Variants in SNAP91 observed in about 807,000 individuals in gnomAD.
SNAP91 encodes the protein clathrin coat assembly protein AP180.
SNAP91 carries 27 observed loss-of-function variants against 100.3 expected under a neutral mutation model. That is an observed-to-expected ratio of 0.27 (90% CI 0.20 to 0.37). The LOEUF (loss-of-function observed/expected upper bound fraction) is 0.37, where lower values mean the gene tolerates loss of function less well. SNAP91 is among the 10% of genes least tolerant of loss of function. The pLI is 1.00. For synonymous variants in SNAP91, 404 were observed against 398.6 expected, an observed-to-expected ratio of 1.01 and a Z score of -0.16; for missense variants, 986 against 1,123.7, an observed-to-expected ratio of 0.88 and a Z score of 1.75.
At chr6:83,635,588 G>A (rs2097405336) in intron 8 of SNAP91, among the ~76,000 whole-genome samples, 1 of 152,024 alleles carries the variant, frequency 6.6e-6, no homozygotes, top group South Asian at 2.1e-4. Flanking sequence ...CATTACATGA[G>A]ATGGATGTAC....
chr6:83,623,166 T>C, intron 9 of SNAP91, 135 bp downstream of exon 9: 1 of 614,762 alleles, frequency 1.6e-6, no homozygotes, highest in Non-Finnish European at 2.9e-6. Flanking sequence ...ATAAATAAGG[T>C]AGAATAATTT....
intron 13 of SNAP91, among the ~76,000 whole-genome samples, chr6:83,606,839 T>A (rs527770032): frequency 6.6e-6 from 1 of 152,362 alleles, no homozygotes; most frequent in Non-Finnish European, 1.5e-5. Context: ...AGGAAAGGAA[T>A]ACATATTTAT....
In SNAP91 at chr6:83,577,969, T is replaced by C. The variant is rs140942362; in HGVS notation, c.2300-1916A>G. Reference sequence around the variant, plus strand: ...CATTTCATATAAATGGAATCATATATGAAAACACATAGTCTTTTGCGACCG... The same window carrying C: ...CATTTCATATAAATGGAATCATATACGAAAACACATAGTCTTTTGCGACCG... On this transcript the variant is annotated intron_variant, in intron 24 of 29. Transcript: ENST00000369694. Among the ~76,000 whole-genome samples, 581 of 152,320 alleles carry C rather than the reference T, an allele frequency of 3.8e-3. 2 individuals carry two copies. Among genetic ancestry groups the C allele is most frequent in the African/African-American group, 0.013 (536 of 41,576 alleles).
intron 10 of SNAP91, among the ~76,000 whole-genome samples, chr6:83,615,520 G>A (rs1463277837): frequency 6.6e-6 from 1 of 152,102 alleles, no homozygotes; most frequent in African/African-American, 2.4e-5. Context: ...AACTGAACTA[G>A]GGCATCTCTT....
rs954841245 is a variant in SNAP91, at chr6:83,641,091, C to T, written c.765+5G>A. 6.9e-7 allele frequency: 1 copy of T among 1,457,072 alleles called. No individual in the cohort carries two copies. Among genetic ancestry groups the T allele is most frequent in the Non-Finnish European group, 9.2e-7 (1 of 1,088,478 alleles). 90.3% of individuals were successfully genotyped at this position (1,457,072 alleles called of 1,614,324 possible). The stretch of plus-strand genomic sequence containing the variant: ...ATATTCCCAAGAAAACTTAATATTA[C>T]TTACCTCTGCAACCTTGAGAAATTC... On this transcript the variant is annotated splice_donor_5th_base_variant and intron_variant, in intron 8 of 29. Transcript: ENST00000369694.
At position 83,645,730 on chromosome 6, in the gene SNAP91, A is replaced by T. The variant is rs543633806; in HGVS notation, c.659-4528T>A. Among the ~76,000 whole-genome samples the T allele has an allele frequency of 1.1e-4, 17 of 152,222 alleles. No individual in the cohort carries two copies. The South Asian group carries it at 3.5e-3, about 32-fold the overall frequency. ...GCCAGGAGTGGTGGTGCGTGTCTGT[A>T]ATCCCAGCTACTCGGGAGGCTGAGG... is the stretch of plus-strand genomic sequence containing the variant. On this transcript the variant is annotated intron_variant, in intron 7 of 29. Transcript: ENST00000369694.
At chr6:83,600,950 C>T (rs2095131334) in intron 16 of SNAP91, among the ~76,000 whole-genome samples, 1 of 152,122 alleles carries the variant, frequency 6.6e-6, no homozygotes, top group Non-Finnish European at 1.5e-5. Flanking sequence ...TGACAGAGAG[C>T]TCTGGTACCA....
At chr6:83,602,409 A>G (rs183740526) in intron 14 of SNAP91, among the ~76,000 whole-genome samples, 34 of 152,280 alleles carry the variant, frequency 2.2e-4, no homozygotes, top group African/African-American at 7.2e-4. Flanking sequence ...TGGAAATGAG[A>G]CCATCCAATT....
In SNAP91 at chr6:83,619,196, T is replaced by C. The variant is rs138474553; in HGVS notation, c.808-2157A>G. Among the ~76,000 whole-genome samples, 662 of 152,192 alleles carry C rather than the reference T, an allele frequency of 4.3e-3. 5 individuals carry two copies. Among genetic ancestry groups the C allele is most frequent in the African/African-American group, 0.015 (636 of 41,550 alleles). On this transcript the variant is annotated intron_variant, in intron 9 of 29. Coordinates refer to ENST00000369694, the MANE Select transcript of SNAP91 (RefSeq NM_001242792.2). The stretch of plus-strand genomic sequence containing the variant: ...AACTGACTTTTGTCTTAAAGGGAAA[T>C]AAAGTTTGGAGCATTCCATCCTAGA...
chr6:83,631,730 T>G (rs538775983), intron 8 of SNAP91, among the ~76,000 whole-genome samples: 2 of 152,124 alleles, frequency 1.3e-5, no homozygotes, highest in African/African-American at 2.4e-5. Flanking sequence ...TGAGTCTTTA[T>G]GTGTTAGGTG....
Position 83,668,920 on chromosome 6 carries a change from G to T in SNAP91, c.131-3339C>A, listed in dbSNP as rs76395690. Reference sequence around the variant, plus strand: ...TGTGAGTTGAAAATATTATTAAGTTGAAAATGCACTTAACACACCAATCCT... The same window carrying T: ...TGTGAGTTGAAAATATTATTAAGTTTAAAATGCACTTAACACACCAATCCT... On this transcript the variant is annotated intron_variant, in intron 2 of 29. Coordinates refer to ENST00000369694, the MANE Select transcript of SNAP91 (RefSeq NM_001242792.2). Among the ~76,000 whole-genome samples, 1,429 of 152,068 alleles carry T rather than the reference G, an allele frequency of 9.4e-3. 26 individuals carry two copies. Among genetic ancestry groups the T allele is most frequent in the African/African-American group, 0.032 (1,335 of 41,506 alleles).
intron 2 of SNAP91, among the ~76,000 whole-genome samples, chr6:83,675,620 T>C (rs1586917654): frequency 6.6e-5 from 10 of 152,240 alleles, no homozygotes; most frequent in South Asian, 2.1e-4. Context: ...ATCACAGTTA[T>C]TGAGTTAAGA....
chr6:83,687,726 C>G (rs1270895058), intron 2 of SNAP91, among the ~76,000 whole-genome samples: 1 of 152,170 alleles, frequency 6.6e-6, no homozygotes, highest in Admixed American at 6.5e-5. Flanking sequence ...AATCAGGCAG[C>G]CATCACAGTC....
chr6:83,678,633 T>C (rs778170140), intron 2 of SNAP91: 1 of 749,336 alleles, frequency 1.3e-6, no homozygotes, highest in Non-Finnish European at 2.0e-6. Flanking sequence ...AAGATGTCTC[T>C]CAAATTCTTT....
intron 7 of SNAP91, among the ~76,000 whole-genome samples, chr6:83,645,781 G>A (rs2097892846): frequency 6.6e-6 from 1 of 152,138 alleles, no homozygotes; most frequent in African/African-American, 2.4e-5. Flanking sequence ...AGCCCAGGAG[G>A]TCAAGGCTGC....
At chr6:83,638,877 G>GA (rs2097564342) in intron 8 of SNAP91, among the ~76,000 whole-genome samples, 1 of 152,236 alleles carries the variant, frequency 6.6e-6, no homozygotes, top group Admixed American at 6.5e-5. Flanking sequence ...CCTTAGAATA[G>GA]AAAACTAAGA....
chr6:83,567,176 G>A (rs1797833874), intron 26 of SNAP91, among the ~76,000 whole-genome samples: 1 of 152,046 alleles, frequency 6.6e-6, no homozygotes, highest in African/African-American at 2.4e-5. Flanking sequence ...GGCCTCAAGT[G>A]ATCCCCCCGC....
chr6:83,671,271 G>A (rs569802625), intron 2 of SNAP91, among the ~76,000 whole-genome samples: 1 of 152,046 alleles, frequency 6.6e-6, no homozygotes, highest in South Asian at 2.1e-4. Flanking sequence ...AAGATATGGG[G>A]ATATTTATTT....
Position 83,592,989 on chromosome 6 carries a change from G to A in SNAP91, c.1803C>T (p.Ala601=). The stretch of plus-strand genomic sequence containing the variant: ...TGAGAGAACTCTCAGGCACAGGAGA[G>A]GCCCCTTGTGGTGGAGAGGAGAAAG... ...TDAFSSPPQG[A]SPVPESSLTA... is the part of the protein sequence containing the mutation. Residue 601 remains alanine (A), a synonymous_variant, in exon 20 of 30, where the codon GCC becomes GCT. Transcript: ENST00000369694. 1 of 1,585,366 alleles carries A rather than the reference G, an allele frequency of 6.3e-7. No individual in the cohort carries two copies. Among genetic ancestry groups the A allele is most frequent in the Non-Finnish European group, 8.6e-7 (1 of 1,165,396 alleles).
Sources: gnomAD v4.1 joint callset for allele counts (sites outside exome capture counted in the v4.1 genomes callset) on GRCh38, gnomAD v4.1.1 for gene constraint, MANE v1.5 for transcripts, NCBI Gene and HGNC (gene_info 2026-07-23, HGNC 2026-07-21) for gene names.